Variants in FMN1 observed in about 807,000 individuals in gnomAD.
FMN1 encodes the protein formin-1.
FMN1 carries 110 observed loss-of-function variants against 132.4 expected under a neutral mutation model. The ratio of observed to expected loss-of-function variants is 0.83; its 90% CI spans 0.71 to 0.97. The LOEUF (loss-of-function observed/expected upper bound fraction) is 0.97, where lower values mean the gene tolerates loss of function less well. Ranked by LOEUF, FMN1 falls within the 50% of genes least tolerant of loss-of-function variation. The pLI is 0.00. For synonymous variants in FMN1, 722 were observed against 651.7 expected, an observed-to-expected ratio of 1.11 and a Z score of -1.64; for missense variants, 1,792 against 1,705.3, an observed-to-expected ratio of 1.05 and a Z score of -0.90.
chr15:33,108,483 T>TGTTATC (rs1330265833), intron 4 of FMN1, among the ~76,000 whole-genome samples: 7 of 152,142 alleles, frequency 4.6e-5, no homozygotes, highest in African/African-American at 1.4e-4. Context: ...GCTTAAGTTA[T>TGTTATC]TAGATTGCAA....
intron 9 of FMN1, among the ~76,000 whole-genome samples, chr15:32,938,971 C>A (rs905010795): frequency 6.6e-6 from 1 of 152,020 alleles, no homozygotes; most frequent in African/African-American, 2.4e-5. Flanking sequence ...TTACAAAGAG[C>A]CTGCTGTACA....
chr15:32,859,403 G>A (rs1428586782), intron 16 of FMN1, among the ~76,000 whole-genome samples: 3 of 152,230 alleles, frequency 2.0e-5, no homozygotes, highest in East Asian at 1.9e-4. Flanking sequence ...GCTGTTCAAT[G>A]TTTTCCAGTT....
intron 4 of FMN1, among the ~76,000 whole-genome samples, chr15:33,130,356 A>G (rs1963487417): frequency 6.6e-6 from 1 of 152,206 alleles, no homozygotes; most frequent in Non-Finnish European, 1.5e-5. Context: ...TATATAGACA[A>G]TTTTTCAAAT....
At chr15:33,171,092 G>A (rs1595596494) in intron 3 of FMN1, among the ~76,000 whole-genome samples, 1 of 152,136 alleles carries the variant, frequency 6.6e-6, no homozygotes, top group East Asian at 1.9e-4. Flanking sequence ...GGATAGAACT[G>A]GAGGTCATTA....
chr15:33,053,778 GGA>G (rs2037089398), intron 6 of FMN1, among the ~76,000 whole-genome samples: 2 of 152,140 alleles, frequency 1.3e-5, no homozygotes, highest in African/African-American at 4.8e-5. Context: ...TCCAGTAAAG[GGA>G]GTCTCTGCCC....
chr15:33,108,855 A>G (rs1476826262), intron 4 of FMN1, among the ~76,000 whole-genome samples: 1 of 152,104 alleles, frequency 6.6e-6, no homozygotes, highest in Non-Finnish European at 1.5e-5. Flanking sequence ...TTCATCCTAA[A>G]TTTCACACAT....
At chr15:33,021,301 T>G (rs2141017520) in intron 6 of FMN1, among the ~76,000 whole-genome samples, 1 of 152,344 alleles carries the variant, frequency 6.6e-6, no homozygotes, top group Non-Finnish European at 1.5e-5. Context: ...TTTAGCATGG[T>G]TTGTTACACA....
In FMN1 at chr15:32,857,003, A is replaced by C. The variant is rs766840354; in HGVS notation, c.3928+12T>G. ...AGGGCCACGTGTATGTGCGGCTGACAAAGCTTCCTACCTTTTTGGAAGAAC... is the reference window on the plus strand; with the variant it reads ...AGGGCCACGTGTATGTGCGGCTGACCAAGCTTCCTACCTTTTTGGAAGAAC... On this transcript the variant is annotated intron_variant, in intron 17 of 20. Coordinates refer to ENST00000616417, the MANE Select transcript of FMN1 (RefSeq NM_001277313.2). The C allele has an allele frequency of 3.0e-5, 48 of 1,597,570 alleles. No individual in the cohort carries two copies. Among genetic ancestry groups the C allele is most frequent in the Middle Eastern group, 3.3e-4 (2 of 6,060 alleles).
intron 17 of FMN1, among the ~76,000 whole-genome samples, chr15:32,846,041 C>G (rs2058848024): frequency 1.3e-5 from 2 of 151,972 alleles, no homozygotes; most frequent in African/African-American, 4.8e-5. Flanking sequence ...GTGTTCAAAC[C>G]TAGGTCTTCT....
intron 10 of FMN1, among the ~76,000 whole-genome samples, chr15:32,920,482 C>T (rs996061356): frequency 6.6e-6 from 1 of 152,172 alleles, no homozygotes; most frequent in Non-Finnish European, 1.5e-5. Context: ...TTTTACAAGA[C>T]ATCAAACACT....
chr15:32,820,418 C>G (rs2058179844), intron 17 of FMN1, among the ~76,000 whole-genome samples: 1 of 152,122 alleles, frequency 6.6e-6, no homozygotes, highest in Non-Finnish European at 1.5e-5. Flanking sequence ...TAATCCTTAA[C>G]TAATTTAGGT....
chr15:33,181,804 G>T (rs771982167), intron 2 of FMN1, among the ~76,000 whole-genome samples: 1 of 150,724 alleles, frequency 6.6e-6, no homozygotes, highest in Non-Finnish European at 1.5e-5. Flanking sequence ...TGCCTCTCAG[G>T]TTAAAGCGAT....
chr15:33,086,125 C>A (rs1417150549), intron 5 of FMN1, among the ~76,000 whole-genome samples: 1 of 152,150 alleles, frequency 6.6e-6, no homozygotes, highest in African/African-American at 2.4e-5. Context: ...GTGGCATGCG[C>A]CTGTAGTCCC....
chr15:33,192,974 G>A (rs1479517094), intron 2 of FMN1, among the ~76,000 whole-genome samples: 1 of 152,136 alleles, frequency 6.6e-6, no homozygotes, highest in African/African-American at 2.4e-5. Context: ...GTCAGTGGCT[G>A]GTCCAGGATT....
At chr15:33,181,427 A>T (rs1483106326) in intron 2 of FMN1, among the ~76,000 whole-genome samples, 1 of 152,014 alleles carries the variant, frequency 6.6e-6, no homozygotes, top group Non-Finnish European at 1.5e-5. Context: ...GGCGCCCACC[A>T]TATACTCTTG....
chr15:32,788,649 A>G (rs966532414), intron 19 of FMN1, among the ~76,000 whole-genome samples: 3 of 152,220 alleles, frequency 2.0e-5, no homozygotes, highest in Non-Finnish European at 2.9e-5. Context: ...AGTCCCACAG[A>G]TAAGTAATTT....
intron 6 of FMN1, among the ~76,000 whole-genome samples, chr15:33,013,327 T>C (rs1337673811): frequency 6.6e-6 from 1 of 152,218 alleles, no homozygotes; most frequent in Admixed American, 6.5e-5. Flanking sequence ...AGGGTTTTAA[T>C]ACAGTGGTTT....
intron 15 of FMN1, among the ~76,000 whole-genome samples, chr15:32,890,146 T>G (rs906291292): frequency 1.2e-4 from 16 of 137,786 alleles, no homozygotes; most frequent in Non-Finnish European, 2.3e-4. Context: ...TATATATATA[T>G]ATCAGTTTCT....
intron 10 of FMN1, among the ~76,000 whole-genome samples, chr15:32,916,532 G>A (rs2060688511): frequency 6.6e-6 from 1 of 152,234 alleles, no homozygotes; most frequent in African/African-American, 2.4e-5. Flanking sequence ...GTCATCCGAA[G>A]TGTGGGAGAT....
Sources: gnomAD v4.1 joint callset for allele counts (sites outside exome capture counted in the v4.1 genomes callset) on GRCh38, gnomAD v4.1.1 for gene constraint, MANE v1.5 for transcripts, NCBI Gene and HGNC (gene_info 2026-07-23, HGNC 2026-07-21) for gene names.